The following VTCN1 variants were observed in gnomAD, a reference collection of about 807,000 sequenced individuals.
VTCN1 encodes V-set domain containing T cell activation inhibitor 1.
Under a neutral mutation model 26.5 loss-of-function variants are expected in VTCN1, and 26 were observed. That is an observed-to-expected ratio of 0.98 (90% confidence interval 0.72 to 1.36). The LOEUF is 1.36. Ranked by LOEUF, VTCN1 falls within the 40% of genes most tolerant of loss-of-function variation. The pLI, the probability that VTCN1 is intolerant of heterozygous loss-of-function variation, is 0.00. For synonymous variants in VTCN1, 116 were observed against 130.7 expected, an observed-to-expected ratio of 0.89 and a Z score of 0.77; for missense variants, 298 against 337.7, an observed-to-expected ratio of 0.88 and a Z score of 0.92.
At chr1:117,170,221 T>C (rs1399398986) in intron 1 of VTCN1, 50 bp from the exon 2 acceptor site, 11 of 1,548,964 alleles carry the variant, frequency 7.1e-6, no homozygotes, top group African/African-American at 1.4e-5. Flanking sequence ...TTCCTCTTGA[T>C]GTGCTGCTTT....
chr1:117,148,539 A>C (rs1408895728), intron 4 of VTCN1, among the ~76,000 whole-genome samples: 1 of 152,204 alleles, frequency 6.6e-6, no homozygotes, highest in Non-Finnish European at 1.5e-5. Context: ...CTTTCATGCT[A>C]GTCATTTCCA....
At chr1:117,176,306 T>C (rs1647349198) in intron 1 of VTCN1, among the ~76,000 whole-genome samples, 1 of 152,146 alleles carries the variant, frequency 6.6e-6, no homozygotes, top group African/African-American at 2.4e-5. Flanking sequence ...AGGTCTCAAT[T>C]TGAGGGTGTA....
chr1:117,151,454 G>C (rs1332550082), intron 4 of VTCN1, among the ~76,000 whole-genome samples: 1 of 152,172 alleles, frequency 6.6e-6, no homozygotes, highest in African/African-American at 2.4e-5. Context: ...GCACATCACA[G>C]ACAGCAGCCC....
Position 117,153,343 on chromosome 1 carries a change from C to T in VTCN1, c.472G>A (p.Asp158Asn). Residue 158 changes from aspartate to asparagine, a missense_variant, in exon 4 of 6, where the codon GAC becomes AAC. Physicochemically the swap from Asp to Asn is conservative, Grantham distance 23. Transcript: ENST00000369458. Reference sequence around the variant, plus strand: ...AAGGTCTCTGAGCTGGCATTATAGTCCACATTCACTTCCGGCATGCTGAAG... The same window carrying T: ...AAGGTCTCTGAGCTGGCATTATAGTTCACATTCACTTCCGGCATGCTGAAG... ...GAFSMPEVNV[D>N]YNASSETLRC... 2.5e-6 allele frequency: 4 copies of T among 1,610,238 alleles called. No individual in the cohort carries two copies. Among genetic ancestry groups the T allele is most frequent in the South Asian group, 2.2e-5 (2 of 90,970 alleles).
chr1:117,170,925 G>A (rs1417138510), intron 1 of VTCN1, among the ~76,000 whole-genome samples: 1 of 152,082 alleles, frequency 6.6e-6, no homozygotes, highest in Non-Finnish European at 1.5e-5. Context: ...TGTCATGGTG[G>A]TTTGCTGCAC....
chr1:117,148,456 T>C (rs1232288829), intron 4 of VTCN1, among the ~76,000 whole-genome samples: 1 of 152,162 alleles, frequency 6.6e-6, no homozygotes, highest in Admixed American at 6.5e-5. Context: ...GTCTGGCCTA[T>C]AATAAGCACT....
rs1215487054 is a variant in VTCN1, at chr1:117,159,879, C to A, written c.98-2958G>T. Among the ~76,000 whole-genome samples the A allele has an allele frequency of 6.6e-6, 1 of 152,172 alleles. No homozygotes were observed. On this transcript the variant is annotated intron_variant, in intron 2 of 5. Transcript: ENST00000369458. The surrounding 1 kb of genome is among the most constrained non-coding windows in gnomAD (Gnocchi z 4.7). ...GATTTTTGGTTTAAAATGAAAGCCACCCTCTCCTCTACTGACATACCACCA... is the reference window on the plus strand; with the variant it reads ...GATTTTTGGTTTAAAATGAAAGCCAACCTCTCCTCTACTGACATACCACCA...
Position 117,153,189 on chromosome 1 carries a change from T to A in VTCN1, c.626A>T (p.Lys209Met), listed in dbSNP as rs374879522. The A allele has an allele frequency of 6.2e-7, 1 of 1,614,082 alleles. No individual in the cohort carries two copies. The highest frequency in any genetic ancestry group is 1.3e-5 in the African/African-American group (1 of 74,928). ...AACATTGTAGAGCACAGACACAACC[T>A]TCATGGTCACATTCTCAGAGTTCAG... ...FELNSENVTM[K>M]VVSVLYNVTI... The change falls in exon 4 of 6, where the codon AAG (lysine) becomes ATG (methionine). Residue 209 changes from lysine to methionine, a missense_variant. Physicochemically the swap from Lys to Met is moderately conservative, Grantham distance 95 (BLOSUM62 -1). Transcript: ENST00000369458.
In VTCN1 at chr1:117,145,618, G is replaced by T. The variant is rs1353775446; in HGVS notation, c.*46-393C>A. Reference sequence around the variant, plus strand: ...CATTATAATGTGTGTCTCAAATAATGTTCTATTCATTTACTTTTATCATTA... The same window carrying T: ...CATTATAATGTGTGTCTCAAATAATTTTCTATTCATTTACTTTTATCATTA... On this transcript the variant is annotated intron_variant, in intron 5 of 5. Transcript: ENST00000369458. This position sits in a 1 kb window ranked among gnomAD's most constrained non-coding sequence, Gnocchi z 4.6. Among the ~76,000 whole-genome samples the T allele has an allele frequency of 6.6e-6, 1 of 152,114 alleles. No individual in the cohort carries two copies. The highest frequency in any genetic ancestry group is 1.5e-5 in the Non-Finnish European group (1 of 68,004).
chr1:117,170,952 T>C (rs1309987345), intron 1 of VTCN1, among the ~76,000 whole-genome samples: 4 of 152,206 alleles, frequency 2.6e-5, no homozygotes, highest in East Asian at 1.9e-4. Context: ...ACCCGTCATC[T>C]AGGTTTTAAG....
chr1:117,178,588 G>A (rs1400270214), intron 1 of VTCN1, among the ~76,000 whole-genome samples: 1 of 88,260 alleles, frequency 1.1e-5, no homozygotes, highest in Non-Finnish European at 2.0e-5. Context: ...TCTTTCTTTC[G>A]TTTTTTTTTT....
intron 3 of VTCN1, among the ~76,000 whole-genome samples, chr1:117,156,096 G>A (rs746112307): frequency 1.8e-4 from 28 of 152,298 alleles, no homozygotes; most frequent in Non-Finnish European, 3.5e-4. Flanking sequence ...ACAAAGGGTG[G>A]ATTTCATTGT....
At chr1:117,206,696 A>T (rs1649091563) in intron 1 of VTCN1, among the ~76,000 whole-genome samples, 1 of 151,546 alleles carries the variant, frequency 6.6e-6, no homozygotes, top group South Asian at 2.1e-4. Flanking sequence ...TGAACATAAG[A>T]TGGGCAATTG....
intron 4 of VTCN1, among the ~76,000 whole-genome samples, chr1:117,152,797 T>G (rs1651863986): frequency 6.6e-6 from 1 of 152,170 alleles, no homozygotes; most frequent in African/African-American, 2.4e-5. Flanking sequence ...GTAGTCCTAC[T>G]GAGTTACACA....
chr1:117,179,473 G>A (rs1011296284), intron 1 of VTCN1, among the ~76,000 whole-genome samples: 9 of 152,196 alleles, frequency 5.9e-5, no homozygotes, highest in Admixed American at 2.0e-4. Flanking sequence ...CACTCTGGAG[G>A]AAGAAACAGA....
At chr1:117,186,081 G>A (rs1225486392) in intron 1 of VTCN1, among the ~76,000 whole-genome samples, 1 of 152,154 alleles carries the variant, frequency 6.6e-6, no homozygotes, top group Non-Finnish European at 1.5e-5. Flanking sequence ...ATGAAATTCT[G>A]CTTCACTGTT....
chr1:117,199,408 C>T lies in VTCN1; in HGVS notation c.32+11416G>A, dbSNP rs557774397. The stretch of plus-strand genomic sequence containing the variant: ...TGGCGCGATCTCTGCTCACTGCAAA[C>T]TCTGCCTCACAGGCTCAAGCAATTC... On this transcript the variant is annotated intron_variant, in intron 1 of 5. Transcript: ENST00000369458. 7.4e-4 allele frequency among the ~76,000 whole-genome samples: 113 copies of T among 152,348 alleles called. 1 individual carries two copies. Among genetic ancestry groups the T allele is most frequent in the African/African-American group, 1.9e-3 (80 of 41,576 alleles).
intron 2 of VTCN1, among the ~76,000 whole-genome samples, chr1:117,160,481 A>G (rs1315130543): frequency 6.6e-6 from 1 of 152,190 alleles, no homozygotes; most frequent in Non-Finnish European, 1.5e-5. Flanking sequence ...TCTGTTTTCT[A>G]ATCACTCATC....
intron 2 of VTCN1, among the ~76,000 whole-genome samples, chr1:117,163,878 T>G (rs1016158293): frequency 6.6e-6 from 1 of 152,212 alleles, no homozygotes; most frequent in Non-Finnish European, 1.5e-5. Flanking sequence ...ACTCGAAGGT[T>G]TTTTTGGACA....
Sources: gnomAD v4.1 joint callset for allele counts (sites outside exome capture counted in the v4.1 genomes callset) on GRCh38, gnomAD v4.1.1 for gene constraint, Gnocchi (gnomAD v3.1) non-coding constraint, MANE v1.5 for transcripts, NCBI Gene and HGNC (gene_info 2026-07-23, HGNC 2026-07-21) for gene names.